The following ME1 variants were observed in gnomAD, a reference collection of about 807,000 sequenced individuals.
ME1 encodes malic enzyme 1.
ME1 carries 74 observed loss-of-function variants against 66.4 expected under a neutral mutation model. The ratio of observed to expected loss-of-function variants is 1.11; its 90% CI spans 0.92 to 1.35. The LOEUF (loss-of-function observed/expected upper bound fraction) is 1.35, where lower values mean the gene tolerates loss of function less well. Among genes scored for constraint, ME1 ranks in the 40% most tolerant of loss-of-function variants. The pLI is 0.00. For missense variants in ME1, 750 were observed against 694.1 expected (o/e 1.08, Z -0.90); for synonymous variants, 251 against 235.6 (o/e 1.07, Z -0.60).
At chr6:83,256,364 G>A (rs1583343326) in intron 6 of ME1, among the ~76,000 whole-genome samples, 2 of 152,180 alleles carry the variant, frequency 1.3e-5, no homozygotes, top group South Asian at 4.1e-4. Flanking sequence ...AAAGGGCTAA[G>A]AGAAAATAAC....
chr6:83,419,407 T>C (rs1458871486), intron 1 of ME1, among the ~76,000 whole-genome samples: 1 of 152,228 alleles, frequency 6.6e-6, no homozygotes, highest in Non-Finnish European at 1.5e-5. Flanking sequence ...TACTCCCACC[T>C]GAAACATTTT....
At chr6:83,298,257 G>A (rs1767639741) in intron 6 of ME1, among the ~76,000 whole-genome samples, 1 of 152,082 alleles carries the variant, frequency 6.6e-6, no homozygotes, top group Non-Finnish European at 1.5e-5. Context: ...TCACCATTCT[G>A]ACAGGCATGA....
At chr6:83,369,671 C>CGAAGGAAG (rs796598711) in intron 3 of ME1, among the ~76,000 whole-genome samples, 1,984 of 72,270 alleles carry the variant, frequency 0.027, 25 homozygotes, top group Middle Eastern at 0.062. Context: ...AAGGAAGGAA[C>CGAAGGAAG]GAAGGAAGGA....
At chr6:83,291,826 T>A (rs955787070) in intron 6 of ME1, among the ~76,000 whole-genome samples, 1 of 152,164 alleles carries the variant, frequency 6.6e-6, no homozygotes, top group Non-Finnish European at 1.5e-5. Context: ...TTCTTTTCAC[T>A]CTTTTTTCTC....
chr6:83,327,508 T>G (rs916782138), intron 5 of ME1, among the ~76,000 whole-genome samples: 1 of 152,110 alleles, frequency 6.6e-6, no homozygotes. Context: ...AGAGATGAAA[T>G]AGACTCCAGT....
chr6:83,270,317 A>G (rs1203577673), intron 6 of ME1, among the ~76,000 whole-genome samples: 2 of 152,136 alleles, frequency 1.3e-5, no homozygotes, highest in African/African-American at 2.4e-5. Flanking sequence ...GTTGTTAGCT[A>G]AACTGCACAA....
intron 1 of ME1, among the ~76,000 whole-genome samples, chr6:83,421,071 G>A (rs1019265810): frequency 6.6e-6 from 1 of 152,114 alleles, no homozygotes; most frequent in Admixed American, 6.6e-5. Context: ...AATTCTGAAC[G>A]TCGAACTTGC....
chr6:83,218,104 T>G (rs191338033), intron 12 of ME1, among the ~76,000 whole-genome samples: 2 of 152,294 alleles, frequency 1.3e-5, no homozygotes, highest in East Asian at 3.9e-4. Flanking sequence ...ATGTTTGCCC[T>G]AGAATTGGTC....
At chr6:83,234,164 C>A (rs1391137229) in intron 9 of ME1, among the ~76,000 whole-genome samples, 2 of 152,112 alleles carry the variant, frequency 1.3e-5, no homozygotes, top group East Asian at 1.9e-4. Context: ...ATGCTAAAAT[C>A]TATGTATTTT....
At position 83,410,715 on chromosome 6, in the gene ME1, TC is replaced by T. The variant is rs1302737097; in HGVS notation, c.79-2815del. Among the ~76,000 whole-genome samples the T allele has an allele frequency of 2.6e-5, 4 of 152,276 alleles. No homozygotes were observed. The East Asian group carries it at 7.7e-4, about 29-fold the overall frequency. On this transcript the variant is annotated intron_variant, in intron 1 of 13. Coordinates refer to ENST00000369705, the MANE Select transcript of ME1 (RefSeq NM_002395.6). ...GCCCAAAAACATAATAATCAAAATA[TC>T]AATATTTTGATAAGTCTTGTGAGAT...
chr6:83,410,067 T>C (rs1192789552), intron 1 of ME1, among the ~76,000 whole-genome samples: 1 of 142,576 alleles, frequency 7.0e-6, no homozygotes, highest in Admixed American at 7.5e-5. Context: ...AGTCTTTGCT[T>C]GCCATTTACT....
At chr6:83,309,346 A>G (rs1473451905) in intron 6 of ME1, among the ~76,000 whole-genome samples, 2 of 152,230 alleles carry the variant, frequency 1.3e-5, no homozygotes, top group Non-Finnish European at 2.9e-5. Context: ...AGGTTCAGTT[A>G]AGAGAAGTAA....
At chr6:83,430,630 T>C (rs983053707) in intron 1 of ME1, among the ~76,000 whole-genome samples, 2 of 152,226 alleles carry the variant, frequency 1.3e-5, no homozygotes, top group African/African-American at 4.8e-5. Context: ...TTTACCTCTA[T>C]CCCTAACATG....
intron 3 of ME1, among the ~76,000 whole-genome samples, chr6:83,385,179 C>A (rs896113772): frequency 4.0e-5 from 6 of 151,782 alleles, no homozygotes; most frequent in African/African-American, 1.2e-4. Flanking sequence ...CCATGGTATG[C>A]AAAACTAAAT....
chr6:83,261,667 G>A (rs1766891246), intron 6 of ME1, among the ~76,000 whole-genome samples: 1 of 152,046 alleles, frequency 6.6e-6, no homozygotes, highest in Admixed American at 6.5e-5. Context: ...GATCTGAGAA[G>A]AAGAAGTGTT....
chr6:83,286,003 T>C (rs771150904), intron 6 of ME1, among the ~76,000 whole-genome samples: 5 of 152,162 alleles, frequency 3.3e-5, no homozygotes, highest in Non-Finnish European at 7.4e-5. Flanking sequence ...ATACCAAAAG[T>C]GGTGCTTATA....
intron 1 of ME1, among the ~76,000 whole-genome samples, chr6:83,422,212 C>T (rs559581658): frequency 2.6e-5 from 4 of 152,288 alleles, no homozygotes; most frequent in African/African-American, 9.6e-5. Context: ...TAGACTACTG[C>T]ACAGATCCCA....
chr6:83,333,057 A>G (rs555404149), intron 5 of ME1, among the ~76,000 whole-genome samples: 1 of 152,182 alleles, frequency 6.6e-6, no homozygotes, highest in African/African-American at 2.4e-5. Flanking sequence ...GCAAGTGAAG[A>G]CTGTCTTATT....
Position 83,211,298 on chromosome 6 carries a change from A to G in ME1, c.*626T>C, listed in dbSNP as rs533379548. 33 of 152,728 alleles carry G rather than the reference A, an allele frequency of 2.2e-4. No homozygotes were observed. Among genetic ancestry groups the G allele is most frequent in the Admixed American group, 1.8e-3 (28 of 15,286 alleles). 9.5% of individuals were successfully genotyped at this position (152,728 alleles called of 1,614,324 possible). On this transcript the variant is annotated 3_prime_UTR_variant, in exon 14 of 14. Coordinates refer to ENST00000369705, the MANE Select transcript of ME1 (RefSeq NM_002395.6). Reference sequence around the variant, plus strand: ...TCAGGATCAAGGTAATAAGAGCTTTACTCTATGAGATGTAACAATGACAAA... The same window carrying G: ...TCAGGATCAAGGTAATAAGAGCTTTGCTCTATGAGATGTAACAATGACAAA...
Sources: allele counts gnomAD v4.1 joint callset (sites outside exome capture counted in the v4.1 genomes callset), GRCh38; gene constraint gnomAD v4.1.1; transcripts MANE v1.5; gene names NCBI Gene and HGNC (gene_info 2026-07-23, HGNC 2026-07-21).